CADM2: variants seen among roughly 807,000 people sequenced by gnomAD.
CADM2 encodes immunoglobulin superfamily member 4D.
A neutral mutation model predicts 49.8 loss-of-function variants in CADM2; 12 were observed. The observed-to-expected ratio is 0.24, with a 90% CI of 0.15 to 0.39. The LOEUF is 0.39. CADM2 is among the 10% of genes least tolerant of loss of function. CADM2 has a pLI of 1.00. For synonymous variants in CADM2, 214 were observed against 175.4 expected (o/e 1.22, Z -1.74); for missense variants, 378 against 492.3 (o/e 0.77, Z 2.20).
intron 1 of CADM2, among the ~76,000 whole-genome samples, chr3:85,496,000 G>T (rs972090100): frequency 1.3e-5 from 2 of 152,112 alleles, no homozygotes; most frequent in African/African-American, 2.4e-5. Flanking sequence ...CAATTAAAAT[G>T]ATTCCTATGA....
At chr3:85,064,701 T>G (rs561179583) in intron 1 of CADM2, among the ~76,000 whole-genome samples, 1 of 152,138 alleles carries the variant, frequency 6.6e-6, no homozygotes, top group Non-Finnish European at 1.5e-5. Context: ...TATTTAGACA[T>G]ACTGGCAATA....
intron 3 of CADM2, among the ~76,000 whole-genome samples, chr3:85,813,902 C>A (rs780839561): frequency 1.1e-4 from 17 of 152,056 alleles, no homozygotes; most frequent in Non-Finnish European, 2.2e-4. Flanking sequence ...GTCTGTATAT[C>A]TGTTTTGGTA....
chr3:85,898,937 GTATATATA>G lies in CADM2; in HGVS notation c.529+12622_529+12629del, dbSNP rs1553704342. Among the ~76,000 whole-genome samples the G allele has an allele frequency of 9.0e-4, 42 of 46,696 alleles. 2 individuals are homozygous for G. Among genetic ancestry groups the G allele is most frequent in the African/African-American group, 4.7e-3 (41 of 8,702 alleles). 30.6% of individuals were successfully genotyped at this position (46,696 alleles called of 152,430 possible). On this transcript the variant is annotated intron_variant, in intron 5 of 9. Transcript: ENST00000383699. Reference sequence around the variant, plus strand: ...TCATAAAATCCAATTCATTTATTGTGTATATATATATATATATATTTTTTTTTTTTTTT... The same window carrying G: ...TCATAAAATCCAATTCATTTATTGTGTATATATATATTTTTTTTTTTTTTT...
chr3:85,684,175 A>G (rs1412527777), intron 1 of CADM2, among the ~76,000 whole-genome samples: 1 of 152,204 alleles, frequency 6.6e-6, no homozygotes, highest in Non-Finnish European at 1.5e-5. Context: ...ATTATAAATT[A>G]TGCTCAAGTC....
At chr3:86,028,073 G>T (rs1734109226) in intron 8 of CADM2, 1 of 104,024 alleles carries the variant, frequency 9.6e-6, no homozygotes, top group Non-Finnish European at 1.9e-5. Flanking sequence ...AGGGGGGAGG[G>T]ATAGTATTAG....
chr3:86,039,117 C>T (rs9854293), intron 8 of CADM2, among the ~76,000 whole-genome samples: 4 of 152,016 alleles, frequency 2.6e-5, no homozygotes, highest in East Asian at 1.9e-4. Flanking sequence ...AGGAACAGCT[C>T]CAGTCTACAG....
In CADM2 at chr3:85,213,888, G is replaced by A. The variant is rs59985246; in HGVS notation, c.61+254220G>A. Among the ~76,000 whole-genome samples the A allele has an allele frequency of 4.8e-3, 727 of 152,046 alleles. 7 individuals are homozygous for A. The highest frequency in any genetic ancestry group is 0.017 in the African/African-American group (704 of 41,476). On this transcript the variant is annotated intron_variant, in intron 1 of 9. Coordinates refer to ENST00000383699, the MANE Select transcript of CADM2 (RefSeq NM_001167675.2). The stretch of plus-strand genomic sequence containing the variant: ...ACACTCTTCAGTATGTCACTTGCAT[G>A]TTCAACTCCATAATGTCTGCTTTAT...
intron 1 of CADM2, among the ~76,000 whole-genome samples, chr3:85,069,529 A>G (rs2036645969): frequency 6.6e-6 from 1 of 152,084 alleles, no homozygotes; most frequent in African/African-American, 2.4e-5. Context: ...TTTCCCTATT[A>G]GGTGTTTTAA....
intron 1 of CADM2, among the ~76,000 whole-genome samples, chr3:85,034,414 G>C (rs1435426503): frequency 6.6e-6 from 1 of 152,072 alleles, no homozygotes; most frequent in Non-Finnish European, 1.5e-5. Context: ...TTATGTTGCT[G>C]CAAGTGACAG....
chr3:85,269,206 A>T (rs2043182962), intron 1 of CADM2, among the ~76,000 whole-genome samples: 2 of 151,448 alleles, frequency 1.3e-5, no homozygotes, highest in African/African-American at 4.8e-5. Flanking sequence ...ATAATAAAAA[A>T]TAATTTGATT....
At chr3:85,843,898 G>T (rs4473564) in intron 3 of CADM2, among the ~76,000 whole-genome samples, 11 of 148,652 alleles carry the variant, frequency 7.4e-5, no homozygotes, top group East Asian at 1.9e-4. Context: ...ATGTGTGTGT[G>T]GGGGGGGAGC....
intron 1 of CADM2, among the ~76,000 whole-genome samples, chr3:85,682,991 C>T (rs1251810932): frequency 1.3e-5 from 2 of 151,892 alleles, no homozygotes; most frequent in African/African-American, 4.8e-5. Flanking sequence ...TGAATATGTG[C>T]CAACACTTTC....
chr3:85,930,826 T>C (rs1249023256), intron 6 of CADM2, among the ~76,000 whole-genome samples: 1 of 151,592 alleles, frequency 6.6e-6, no homozygotes, highest in Non-Finnish European at 1.5e-5. Context: ...CACATTAAAT[T>C]AAATATGAAC....
chr3:85,187,622 A>G lies in CADM2; in HGVS notation c.61+227954A>G, dbSNP rs555934294. 3.3e-5 allele frequency among the ~76,000 whole-genome samples: 5 copies of G among 152,240 alleles called. No individual in the cohort carries two copies. The South Asian group carries it at 1.0e-3, about 32-fold the overall frequency. ...GAGCCAAGGTAAATTGCAATTGGCA[A>G]TTCTATAAAGAGATTATTTTCTTGC... On this transcript the variant is annotated intron_variant, in intron 1 of 9. Coordinates refer to ENST00000383699, the MANE Select transcript of CADM2 (RefSeq NM_001167675.2).
chr3:86,058,003 G>A (rs1738196208), intron 8 of CADM2, among the ~76,000 whole-genome samples: 1 of 151,974 alleles, frequency 6.6e-6, no homozygotes, highest in South Asian at 2.1e-4. Context: ...AAGCTGTTTC[G>A]AGATAACTAT....
intron 1 of CADM2, among the ~76,000 whole-genome samples, chr3:85,451,971 C>G (rs187740423): frequency 6.6e-5 from 10 of 152,106 alleles, no homozygotes; most frequent in African/African-American, 2.4e-4. Flanking sequence ...CACTAGTTCA[C>G]TCTCGGGCAA....
chr3:85,348,074 T>C (rs67824428), intron 1 of CADM2, among the ~76,000 whole-genome samples: 63,344 of 151,948 alleles, frequency 0.42, 14,853 homozygotes, highest in East Asian at 0.68. Flanking sequence ...TAAATTTTTG[T>C]CATCTTTCAG....
intron 1 of CADM2, among the ~76,000 whole-genome samples, chr3:85,020,246 A>G (rs1442401114): frequency 1.3e-5 from 2 of 152,210 alleles, no homozygotes; most frequent in Admixed American, 1.3e-4. Flanking sequence ...ACAGCTGAAA[A>G]TATCAGAAAA....
intron 1 of CADM2, among the ~76,000 whole-genome samples, chr3:85,607,015 AATT>A (rs1253556851): frequency 6.6e-6 from 1 of 152,136 alleles, no homozygotes; most frequent in East Asian, 1.9e-4. Context: ...TAAGTATTTC[AATT>A]ATTTATATGA....
Sources: allele counts gnomAD v4.1 joint callset (sites outside exome capture counted in the v4.1 genomes callset), GRCh38; gene constraint gnomAD v4.1.1; transcripts MANE v1.5; gene names NCBI Gene and HGNC (gene_info 2026-07-23, HGNC 2026-07-21).